The following PTPRM variants were observed in gnomAD, a reference collection of about 807,000 sequenced individuals.
The protein encoded by PTPRM is receptor-type tyrosine-protein phosphatase mu.
A neutral mutation model predicts 186.7 loss-of-function variants in PTPRM; 47 were observed. The observed-to-expected ratio is 0.25, with a 90% CI of 0.20 to 0.32. The LOEUF (loss-of-function observed/expected upper bound fraction) is 0.32. Among genes scored for constraint, PTPRM ranks in the 10% least tolerant of loss-of-function variants. The probability of loss-of-function intolerance (pLI) is 1.00; values close to 1 mark genes in which losing one functional copy is unlikely to be tolerated. For missense variants in PTPRM, 1,494 were observed against 1,865.0 expected (o/e 0.80, Z 3.66); for synonymous variants, 668 against 674.9 (o/e 0.99, Z 0.16).
intron 9 of PTPRM, among the ~76,000 whole-genome samples, chr18:8,078,848 C>G (rs185110708): frequency 7.3e-4 from 111 of 152,252 alleles, no homozygotes; most frequent in African/African-American, 2.6e-3. Flanking sequence ...GGGTGCCACA[C>G]TCTCCTGTGA....
intron 15 of PTPRM, among the ~76,000 whole-genome samples, chr18:8,244,832 G>A (rs2094462765): frequency 1.3e-5 from 2 of 152,134 alleles, no homozygotes; most frequent in Non-Finnish European, 2.9e-5. Flanking sequence ...AAAAGGAGTA[G>A]TTGCTTTGTC....
chr18:7,974,488 C>T (rs9955279), intron 7 of PTPRM, among the ~76,000 whole-genome samples: 10 of 152,036 alleles, frequency 6.6e-5, no homozygotes, highest in Non-Finnish European at 1.2e-4. Context: ...GGTTTTAATC[C>T]GGACGTTTTG....
intron 19 of PTPRM, among the ~76,000 whole-genome samples, chr18:8,294,744 T>C (rs59921265): frequency 0.014 from 2,069 of 152,356 alleles, 38 homozygotes; most frequent in African/African-American, 0.047. Flanking sequence ...TTACCTATGA[T>C]CACGACTAAG....
At chr18:8,046,558 C>T (rs993087710) in intron 7 of PTPRM, among the ~76,000 whole-genome samples, 1 of 152,088 alleles carries the variant, frequency 6.6e-6, no homozygotes, top group Non-Finnish European at 1.5e-5. Flanking sequence ...AGGGAGGGAG[C>T]GGTCAGGGAC....
At chr18:8,199,781 T>C (rs2093828251) in intron 14 of PTPRM, among the ~76,000 whole-genome samples, 1 of 152,224 alleles carries the variant, frequency 6.6e-6, no homozygotes, top group African/African-American at 2.4e-5. Flanking sequence ...ATCTGTCAAA[T>C]GCCTCTATAG....
chr18:8,156,958 C>T (rs1036763508), intron 14 of PTPRM, among the ~76,000 whole-genome samples: 3 of 152,068 alleles, frequency 2.0e-5, no homozygotes, highest in Non-Finnish European at 4.4e-5. Context: ...GATGCTGTAT[C>T]CTCTTGTCTG....
At chr18:7,891,126 AAAC>A (rs1397298446) in intron 3 of PTPRM, among the ~76,000 whole-genome samples, 2 of 151,736 alleles carry the variant, frequency 1.3e-5, no homozygotes, top group Non-Finnish European at 2.9e-5. Context: ...AAAAAAAAAA[AAAC>A]AACAAAATTA....
intron 15 of PTPRM, among the ~76,000 whole-genome samples, chr18:8,247,519 C>T (rs2094488475): frequency 6.6e-6 from 1 of 152,160 alleles, no homozygotes. Context: ...TCAGCTTGGC[C>T]TGAGAGCAGA....
At chr18:7,962,116 A>G (rs767197753) in intron 7 of PTPRM, among the ~76,000 whole-genome samples, 8 of 152,192 alleles carry the variant, frequency 5.3e-5, no homozygotes, top group Non-Finnish European at 1.2e-4. Context: ...CATTTGTGAT[A>G]TGCAGTTTTG....
chr18:7,571,097 A>G (rs756735897), intron 1 of PTPRM, among the ~76,000 whole-genome samples: 2 of 152,020 alleles, frequency 1.3e-5, no homozygotes, highest in African/African-American at 4.8e-5. Context: ...CACCACCACC[A>G]CCGCCAGCTA....
intron 2 of PTPRM, among the ~76,000 whole-genome samples, chr18:7,793,734 A>G (rs2043459272): frequency 6.6e-6 from 1 of 152,054 alleles, no homozygotes; most frequent in Non-Finnish European, 1.5e-5. Flanking sequence ...GTGCTCAGGG[A>G]CCTAGGTGAG....
In PTPRM at chr18:7,751,772, A is replaced by G. The variant is rs985248063; in HGVS notation, c.74-22377A>G. On this transcript the variant is annotated intron_variant, in intron 1 of 32. Transcript: ENST00000580170. Reference sequence around the variant, plus strand: ...CCTAATATACATCTGGTATACACTAACTACTGCAAAAGCCTTCAACCTAGT... The same window carrying G: ...CCTAATATACATCTGGTATACACTAGCTACTGCAAAAGCCTTCAACCTAGT... Among the ~76,000 whole-genome samples the G allele has an allele frequency of 8.3e-4, 126 of 152,312 alleles. 1 individual carries two copies. Among genetic ancestry groups the G allele is most frequent in the African/African-American group, 2.9e-3 (121 of 41,576 alleles).
At chr18:7,686,839 C>T (rs2039613675) in intron 1 of PTPRM, among the ~76,000 whole-genome samples, 1 of 152,060 alleles carries the variant, frequency 6.6e-6, no homozygotes, top group South Asian at 2.1e-4. Flanking sequence ...TATATTTAAT[C>T]CCTCCAACCA....
chr18:7,788,720 A>G (rs28475616), intron 2 of PTPRM, among the ~76,000 whole-genome samples: 2,422 of 152,324 alleles, frequency 0.016, 43 homozygotes, highest in African/African-American at 0.049. Flanking sequence ...ATGCCTATCA[A>G]TAGCCCAATT....
chr18:7,868,128 A>T lies in PTPRM; in HGVS notation c.197-19978A>T, dbSNP rs113959929. Among the ~76,000 whole-genome samples, 457 of 152,198 alleles carry T rather than the reference A, an allele frequency of 3.0e-3. 4 individuals carry two copies. The highest frequency in any genetic ancestry group is 0.01 in the African/African-American group (435 of 41,532). Reference sequence around the variant, plus strand: ...TTTTTCAAAGTACTTAGCTTCCTTGACTTGCATTAGGACATGCTCCTTTAG... The same window carrying T: ...TTTTTCAAAGTACTTAGCTTCCTTGTCTTGCATTAGGACATGCTCCTTTAG... On this transcript the variant is annotated intron_variant, in intron 2 of 32. Transcript: ENST00000580170.
In PTPRM at chr18:8,387,203, T is replaced by C. The variant is rs916953452; in HGVS notation, c.4176T>C (p.Asn1392=). ...TGGACAAGTGGCAAGAGGAGTACAA[T>C]GGCGGGGAAGGCCGCACGGTTGTGC... The part of the protein sequence containing the change: ...RQVDKWQEEY[N]GGEGRTVVHC... Residue 1392 remains asparagine, a synonymous_variant, in exon 31 of 33, where the codon AAT becomes AAC. Transcript: ENST00000580170. The C allele has an allele frequency of 1.2e-6, 2 of 1,613,892 alleles. No individual in the cohort carries two copies. Among genetic ancestry groups the C allele is most frequent in the African/African-American group, 1.3e-5 (1 of 74,918 alleles).
intron 1 of PTPRM, among the ~76,000 whole-genome samples, chr18:7,650,307 G>A (rs2038667475): frequency 6.6e-6 from 1 of 152,136 alleles, no homozygotes; most frequent in African/African-American, 2.4e-5. Context: ...TTTGTTTAAG[G>A]AAAGGATAAA....
At position 7,607,594 on chromosome 18, in the gene PTPRM, G is replaced by A. The variant is rs1004113527; in HGVS notation, c.73+39703G>A. On this transcript the variant is annotated intron_variant, in intron 1 of 32. Coordinates refer to ENST00000580170, the MANE Select transcript of PTPRM (RefSeq NM_001105244.2). ...TAGTGATGTTTGTTAAATAAATTAA[G>A]CAGTTGAGTACAGTTCTAGTGATCT... Among the ~76,000 whole-genome samples, 3 of 152,204 alleles carry A rather than the reference G, an allele frequency of 2.0e-5. No homozygotes were observed. The South Asian group carries it at 6.2e-4, about 31-fold the overall frequency.
chr18:7,698,087 G>T (rs1049525653), intron 1 of PTPRM, among the ~76,000 whole-genome samples: 2 of 152,198 alleles, frequency 1.3e-5, no homozygotes, highest in Non-Finnish European at 1.5e-5. Flanking sequence ...GAGTGGTTCA[G>T]TGTGTTTACT....
Sources: gnomAD v4.1 joint callset for allele counts (sites outside exome capture counted in the v4.1 genomes callset) on GRCh38, gnomAD v4.1.1 for gene constraint, MANE v1.5 for transcripts, NCBI Gene and HGNC (gene_info 2026-07-23, HGNC 2026-07-21) for gene names.